The following TMEM43 variants were observed in gnomAD, a reference collection of about 807,000 sequenced individuals.
The protein encoded by TMEM43 is arrhythmogenic right ventricular dysplasia 5.
Under a neutral mutation model 49.6 loss-of-function variants are expected in TMEM43, and 45 were observed. The observed-to-expected ratio is 0.91, with a 90% confidence interval of 0.71 to 1.16. The LOEUF is 1.16. Among genes scored for constraint, TMEM43 ranks in the 50% most tolerant of loss-of-function variants. The pLI, the probability that TMEM43 is intolerant of heterozygous loss-of-function variation, is 0.00. For missense variants in TMEM43, 532 were observed against 516.6 expected (o/e 1.03, Z -0.29); for synonymous variants, 199 against 207.8 (o/e 0.96, Z 0.36).
In TMEM43 at chr3:14,129,461, C is replaced by G; in HGVS notation, c.62C>G (p.Ser21Cys). ...RREHVKVKTS[S>C]QPGFLERLSE... The stretch of plus-strand genomic sequence containing the variant: ...GAACATGTCAAAGTTAAAACCAGCT[C>G]CCAGCCAGGCTTCCTGGAACGGCTG... The change falls in exon 2 of 12, where the codon TCC becomes TGC. Residue 21 changes from serine to cysteine, a missense_variant. Ser to Cys is a moderately radical substitution (Grantham distance 112). Transcript: ENST00000306077. 2 of 1,614,040 alleles carry G rather than the reference C, an allele frequency of 1.2e-6. No homozygotes were observed. Among genetic ancestry groups the G allele is most frequent in the Non-Finnish European group, 1.7e-6 (2 of 1,180,004 alleles).
At chr3:14,132,709 TC>T in intron 5 of TMEM43, 114 bp downstream of exon 5, 1 of 1,415,442 alleles carries the variant, frequency 7.1e-7, no homozygotes, top group Admixed American at 1.7e-5. Context: ...GGCATCAGGA[TC>T]CCTGGGTGCA....
Position 14,129,307 on chromosome 3 carries a change from T to TAAAAAAAAAAAAA in TMEM43, c.13-90_13-78dup, listed in dbSNP as rs10648308. 6 of 380,666 alleles carry TAAAAAAAAAAAAA rather than the reference T, an allele frequency of 1.6e-5. No individual in the cohort carries two copies. The African/African-American group carries it at 1.7e-4, about 11-fold the overall frequency. The allele number at this position is 380,666 out of a possible 1,614,324, so 23.6% of individuals were successfully genotyped here. ...TGTTTTTACCACATACAGTTAAAAC[T>TAAAAAAAAAAAAA]AAAAAAAAAAAAAAAAAAAAAAAAA... is the stretch of plus-strand genomic sequence containing the variant. On this transcript the variant is annotated intron_variant, in intron 1 of 11. Transcript: ENST00000306077.
intron 1 of TMEM43, chr3:14,128,838 A>C (rs1222871991): frequency 2.4e-6 from 1 of 417,368 alleles, no homozygotes; most frequent in Non-Finnish European, 4.8e-6. Flanking sequence ...TATTCACAGC[A>C]GCATTATTCA....
At chr3:14,137,773 A>G (rs1245829153) in intron 10 of TMEM43, 1 of 152,250 alleles carries the variant, frequency 6.6e-6, no homozygotes, top group Non-Finnish European at 1.5e-5. Flanking sequence ...ACTATTAGTA[A>G]TAGTCACATC....
At chr3:14,134,702 G>A in intron 7 of TMEM43, 68 bp from the exon 8 acceptor site, 1 of 1,609,432 alleles carries the variant, frequency 6.2e-7, no homozygotes, top group African/African-American at 1.3e-5. Flanking sequence ...AGGGGGTCAG[G>A]CCAGGGACTT....
At chr3:14,127,756 G>C (rs1212773025) in intron 1 of TMEM43, among the ~76,000 whole-genome samples, 1 of 152,186 alleles carries the variant, frequency 6.6e-6, no homozygotes, top group Non-Finnish European at 1.5e-5. Context: ...GGAAAGTCAA[G>C]ACGACTTCTG....
At chr3:14,131,060 G>A (rs903877427) in intron 3 of TMEM43, 104 bp downstream of exon 3, 2 of 1,437,650 alleles carry the variant, frequency 1.4e-6, no homozygotes, top group African/African-American at 1.4e-5. Flanking sequence ...GGTCACACAT[G>A]GGAGTGATTC....
chr3:14,132,863 C>T lies in TMEM43; in HGVS notation c.443-3C>T. Reference sequence around the variant, plus strand: ...CTCTGAGTTGATTCCTCTCCCTGAGCAGACACTGAATGGAGGTCAGAAATC... The same window carrying T: ...CTCTGAGTTGATTCCTCTCCCTGAGTAGACACTGAATGGAGGTCAGAAATC... On this transcript the variant is annotated splice_polypyrimidine_tract_variant and splice_region_variant and intron_variant, in intron 5 of 11. Coordinates refer to ENST00000306077, the MANE Select transcript of TMEM43 (RefSeq NM_024334.3). 1 of 1,613,954 alleles carries T rather than the reference C, an allele frequency of 6.2e-7. No individual in the cohort carries two copies.
chr3:14,141,522 G>C (rs1422652243), intron 11 of TMEM43, 71 bp from the exon 12 acceptor site: 11 of 1,432,516 alleles, frequency 7.7e-6, no homozygotes, highest in Non-Finnish European at 9.8e-6. Context: ...CTCATCTAGG[G>C]ACAGGAGAGA....
chr3:14,140,731 G>T (rs1695235983), intron 11 of TMEM43, among the ~76,000 whole-genome samples: 1 of 152,234 alleles, frequency 6.6e-6, no homozygotes, highest in African/African-American at 2.4e-5. Context: ...TTCATGAGAT[G>T]GTGCACATGG....
At chr3:14,129,672 A>G (rs572548025) in intron 2 of TMEM43, 111 bp downstream of exon 2, 1 of 1,180,172 alleles carries the variant, frequency 8.5e-7, no homozygotes, top group South Asian at 1.3e-5. Context: ...GATTTTAAAA[A>G]GAGAAAGGAG....
rs1365122543 is a variant in TMEM43, at chr3:14,143,287, T to C, written c.*1492T>C. On this transcript the variant is annotated 3_prime_UTR_variant, in exon 12 of 12. Transcript: ENST00000306077. ...TAGCTGAATAAGGGGTCAGAACTTC[T>C]GAAACCAGAGATCTGTAATCATCTC... 1.3e-5 allele frequency: 2 copies of C among 152,250 alleles called. No individual in the cohort carries two copies. Among genetic ancestry groups the C allele is most frequent in the African/African-American group, 2.4e-5 (1 of 41,466 alleles). 9.4% of individuals were successfully genotyped at this position (152,250 alleles called of 1,614,324 possible).
rs766676379 is a variant in TMEM43, at chr3:14,142,861, TAAGAG to T, written c.*1069_*1073del. On this transcript the variant is annotated 3_prime_UTR_variant, in exon 12 of 12. Coordinates refer to ENST00000306077, the MANE Select transcript of TMEM43 (RefSeq NM_024334.3). Reference sequence around the variant, plus strand: ...TGGTTTAAAAGATTAAAGAAACGATTAAGAGAAAAGGTTGGAAGCTTTATACTAAA... The same window carrying T: ...TGGTTTAAAAGATTAAAGAAACGATTAAAAGGTTGGAAGCTTTATACTAAA... The T allele has an allele frequency of 3.3e-5, 5 of 152,368 alleles. No individual in the cohort carries two copies. The highest frequency in any genetic ancestry group is 2.1e-4 in the South Asian group (1 of 4,834). 9.4% of individuals were successfully genotyped at this position (152,368 alleles called of 1,614,324 possible). A position where few individuals can be genotyped will look rare whatever the true frequency, so the allele number is the denominator to read the frequency against.
At chr3:14,135,353 C>G (rs867715160) in intron 9 of TMEM43, 121 bp downstream of exon 9, 3 of 819,368 alleles carry the variant, frequency 3.7e-6, no homozygotes, top group East Asian at 2.7e-5. Flanking sequence ...GGCACACTCT[C>G]GCACACACTC....
intron 11 of TMEM43, 75 bp downstream of exon 11, chr3:14,139,372 G>T: frequency 9.5e-7 from 1 of 1,047,820 alleles, no homozygotes; most frequent in Non-Finnish European, 1.5e-6. Context: ...CATCATCTCA[G>T]CCCTTCCAGC....
Position 14,125,114 on chromosome 3 carries a change from C to G in TMEM43, c.-80C>G, listed in dbSNP as rs563715581. 6.3e-7 allele frequency: 1 copy of G among 1,580,320 alleles called. No individual in the cohort carries two copies. The highest frequency in any genetic ancestry group is 1.7e-4 in the Middle Eastern group (1 of 6,026). On this transcript the variant is annotated 5_prime_UTR_variant, in exon 1 of 12. Coordinates refer to ENST00000306077, the MANE Select transcript of TMEM43 (RefSeq NM_024334.3). ...TTTCGAAGCTGGGGCTGGCAAGAGG[C>G]CGCTGGACACCACGCTCCAGTCGTC...
rs150425166 is a variant in TMEM43, at chr3:14,132,907, G to A, written c.484G>A (p.Asp162Asn). 68 of 1,613,758 alleles carry A rather than the reference G, an allele frequency of 4.2e-5. No homozygotes were observed. In the African/African-American group the frequency reaches 8.0e-4, roughly 19 times the overall value. Residue 162 changes from aspartate to asparagine, a missense_variant, in exon 6 of 12, where the codon GAC becomes AAC. By Grantham distance (23) the Asp-to-Asn change is conservative (BLOSUM62 1). Coordinates refer to ENST00000306077, the MANE Select transcript of TMEM43 (RefSeq NM_024334.3). ...AGAAATCATCAACAGCAAAAACTTC[G>A]ACCGAGAGATTGGCCACAAAAACCC... ...RSEIINSKNF[D>N]REIGHKNPSA...
intron 1 of TMEM43, among the ~76,000 whole-genome samples, chr3:14,128,659 GT>G (rs1385434104): frequency 3.3e-5 from 5 of 152,222 alleles, no homozygotes; most frequent in Non-Finnish European, 7.3e-5. Flanking sequence ...CTCAGCCACT[GT>G]TTGCTGAATT....
chr3:14,135,154 C>A lies in TMEM43; in HGVS notation c.706-4C>A. 1 of 1,611,500 alleles carries A rather than the reference C, an allele frequency of 6.2e-7. No homozygotes were observed. The highest frequency in any genetic ancestry group is 8.5e-7 in the Non-Finnish European group (1 of 1,179,576). On this transcript the variant is annotated splice_region_variant and splice_polypyrimidine_tract_variant and intron_variant, in intron 8 of 11. Transcript: ENST00000306077. ...CACTCTCCCTGCTTCTCTTCCACCCCCAGGTGGGAGACTTGCGTGTCTCCT... is the reference window on the plus strand; with the variant it reads ...CACTCTCCCTGCTTCTCTTCCACCCACAGGTGGGAGACTTGCGTGTCTCCT...
Sources: allele counts gnomAD v4.1 joint callset (sites outside exome capture counted in the v4.1 genomes callset), GRCh38; gene constraint gnomAD v4.1.1; transcripts MANE v1.5; gene names NCBI Gene and HGNC (gene_info 2026-07-23, HGNC 2026-07-21).